Variants in GJA1 observed in about 807,000 individuals in gnomAD.
GJA1 encodes gap junction protein alpha 1, also known as gap junction alpha-1 protein.
In GJA1, 9 loss-of-function variants were observed where a neutral mutation model predicts 31.0. The ratio of observed to expected loss-of-function variants is 0.29; its 90% CI spans 0.17 to 0.51. The LOEUF is 0.51. Among genes scored for constraint, GJA1 ranks in the 20% least tolerant of loss-of-function variants. GJA1 has a pLI of 0.98. For synonymous variants in GJA1, 186 were observed against 180.1 expected (o/e 1.03, Z -0.26); for missense variants, 278 against 468.8 (o/e 0.59, Z 3.76).
chr6:121,447,702 G>A lies in GJA1; in HGVS notation c.855G>A (p.Gly285=). The change falls in exon 2 of 2, where the codon GGG becomes GGA. Residue 285 remains glycine (G), a synonymous_variant. Transcript: ENST00000282561. ...TAPLSPMSPP[G]YKLVTGDRNN... ...CCCTCTCGCCTATGTCTCCTCCTGG[G>A]TACAAGCTGGTTACTGGCGACAGAA... 1 of 1,613,970 alleles carries A rather than the reference G, an allele frequency of 6.2e-7. No homozygotes were observed. Among genetic ancestry groups the A allele is most frequent in the South Asian group, 1.1e-5 (1 of 91,064 alleles).
intron 1 of GJA1, among the ~76,000 whole-genome samples, chr6:121,443,370 G>A (rs1209466008): frequency 6.6e-6 from 1 of 152,036 alleles, no homozygotes; most frequent in Non-Finnish European, 1.5e-5. Context: ...CAGGATACTC[G>A]GTGTCCAATT....
intron 1 of GJA1, among the ~76,000 whole-genome samples, chr6:121,442,382 A>C (rs1205818151): frequency 6.6e-6 from 1 of 152,196 alleles, no homozygotes; most frequent in Non-Finnish European, 1.5e-5. Flanking sequence ...TTTTTAAGAG[A>C]TCTCATTTGA....
chr6:121,437,139 G>C (rs1773679890), intron 1 of GJA1, among the ~76,000 whole-genome samples: 1 of 152,174 alleles, frequency 6.6e-6, no homozygotes, highest in Non-Finnish European at 1.5e-5. Flanking sequence ...GATCCTTCCC[G>C]CGCCTTCGCT....
At chr6:121,441,143 G>A (rs1460607813) in intron 1 of GJA1, among the ~76,000 whole-genome samples, 1 of 152,006 alleles carries the variant, frequency 6.6e-6, no homozygotes, top group Non-Finnish European at 1.5e-5. Context: ...TAGTAGAGAC[G>A]GGGTTTCACT....
At position 121,447,653 on chromosome 6, in the gene GJA1, A is replaced by G; in HGVS notation, c.806A>G (p.Asn269Ser). 1.2e-6 allele frequency: 2 copies of G among 1,613,986 alleles called. No homozygotes were observed. Among genetic ancestry groups the G allele is most frequent in the Non-Finnish European group, 1.7e-6 (2 of 1,179,964 alleles). ...GGGTCTCAAAAATATGCTTATTTCA[A>G]TGGCTGCTCCTCACCAACCGCTCCC... ...DCGSQKYAYFNGCSSPTAPLS... is the reference protein window; with the variant it reads ...DCGSQKYAYFSGCSSPTAPLS... Residue 269 changes from asparagine to serine, a missense_variant, in exon 2 of 2, where the codon AAT becomes AGT. Transcript: ENST00000282561.
chr6:121,436,809 G>A (rs1021112846), intron 1 of GJA1, among the ~76,000 whole-genome samples: 1 of 152,118 alleles, frequency 6.6e-6, no homozygotes, highest in African/African-American at 2.4e-5. Context: ...CAGAACTCTG[G>A]GGCAGTTCTT....
chr6:121,441,326 T>G (rs1773777692), intron 1 of GJA1, among the ~76,000 whole-genome samples: 1 of 152,080 alleles, frequency 6.6e-6, no homozygotes, highest in Non-Finnish European at 1.5e-5. Context: ...TGACCTCAGA[T>G]GATCCTCCCA....
intron 1 of GJA1, among the ~76,000 whole-genome samples, chr6:121,436,875 AATTTTTAAAATAC>A (rs1773672697): frequency 6.6e-6 from 1 of 152,226 alleles, no homozygotes; most frequent in Non-Finnish European, 1.5e-5. Context: ...AAAAGGGTTC[AATTTTTAAAATAC>A]TTTTATTGGT....
At chr6:121,445,005 A>G (rs1286253152) in intron 1 of GJA1, among the ~76,000 whole-genome samples, 16 of 152,214 alleles carry the variant, frequency 1.1e-4, no homozygotes, top group Admixed American at 1.0e-3. Flanking sequence ...GGGGATTGTG[A>G]ATCTTCTTCT....
At chr6:121,443,048 C>T (rs945535320) in intron 1 of GJA1, among the ~76,000 whole-genome samples, 2 of 152,086 alleles carry the variant, frequency 1.3e-5, no homozygotes, top group Non-Finnish European at 2.9e-5. Flanking sequence ...ACCTGTTTCC[C>T]CCTGGTGAAT....
At chr6:121,446,315 G>C (rs1773888736) in intron 1 of GJA1, among the ~76,000 whole-genome samples, 1 of 152,088 alleles carries the variant, frequency 6.6e-6, no homozygotes, top group Admixed American at 6.5e-5. Context: ...ATCTTTCAGA[G>C]TGAAATTAGT....
intron 1 of GJA1, among the ~76,000 whole-genome samples, chr6:121,437,013 C>T (rs1773677314): frequency 6.6e-6 from 1 of 152,248 alleles, no homozygotes; most frequent in South Asian, 2.1e-4. Context: ...TGACGTGACC[C>T]TGCAGTGGAA....
chr6:121,436,315 G>A (rs1412293936), intron 1 of GJA1, among the ~76,000 whole-genome samples: 3 of 151,762 alleles, frequency 2.0e-5, no homozygotes, highest in African/African-American at 7.3e-5. Context: ...TTTTTCATAT[G>A]GAAATCTTGA....
At position 121,448,871 on chromosome 6, in the gene GJA1, C is replaced by T. The variant is rs1773937503; in HGVS notation, c.*875C>T. The T allele has an allele frequency of 6.0e-6, 1 of 166,894 alleles. No individual in the cohort carries two copies. Among genetic ancestry groups the T allele is most frequent in the South Asian group, 2.1e-4 (1 of 4,826 alleles). The allele number at this position is 166,894 out of a possible 1,614,324, so 10.3% of individuals were successfully genotyped here. ...TGTCATGTATTGGTACAAGCAGATA[C>T]AGTATAAACTCACAAACACAGATTT... On this transcript the variant is annotated 3_prime_UTR_variant, in exon 2 of 2. Transcript: ENST00000282561.
intron 1 of GJA1, among the ~76,000 whole-genome samples, chr6:121,445,443 G>A (rs528913077): frequency 5.9e-5 from 9 of 152,158 alleles, no homozygotes; most frequent in Non-Finnish European, 8.8e-5. Flanking sequence ...GAGCCACCAC[G>A]CCTGGCCAGA....
intron 1 of GJA1, among the ~76,000 whole-genome samples, chr6:121,441,043 C>T (rs931202898): frequency 1.3e-5 from 2 of 148,864 alleles, no homozygotes; most frequent in African/African-American, 2.5e-5. Context: ...CCCGGGTTCA[C>T]GCCATTCTCC....
chr6:121,444,656 A>G (rs1773854777), intron 1 of GJA1, among the ~76,000 whole-genome samples: 1 of 152,218 alleles, frequency 6.6e-6, no homozygotes, highest in Non-Finnish European at 1.5e-5. Flanking sequence ...AAACTCCTTT[A>G]TATTCAGATA....
chr6:121,446,482 C>T (rs1448022232), intron 1 of GJA1, among the ~76,000 whole-genome samples: 1 of 152,196 alleles, frequency 6.6e-6, no homozygotes, highest in East Asian at 1.9e-4. Context: ...AAACTGTCCT[C>T]ATTTATCAGA....
intron 1 of GJA1, among the ~76,000 whole-genome samples, chr6:121,439,828 C>T (rs930201565): frequency 5.3e-5 from 8 of 152,102 alleles, no homozygotes; most frequent in African/African-American, 1.9e-4. Flanking sequence ...CACAAATGTG[C>T]AATTATTTAT....
Sources: gnomAD v4.1 joint callset for allele counts (sites outside exome capture counted in the v4.1 genomes callset) on GRCh38, gnomAD v4.1.1 for gene constraint, MANE v1.5 for transcripts, NCBI Gene and HGNC (gene_info 2026-07-23, HGNC 2026-07-21) for gene names.